SWT1: variants seen among roughly 807,000 people sequenced by gnomAD.
SWT1 encodes transcriptional protein SWT1.
SWT1 carries 33 observed loss-of-function variants against 107.3 expected under a neutral mutation model. That is an observed-to-expected ratio of 0.31 (90% confidence interval 0.23 to 0.41). The LOEUF (loss-of-function observed/expected upper bound fraction) is 0.41. Among genes scored for constraint, SWT1 ranks in the 10% least tolerant of loss-of-function variants. SWT1 has a pLI of 1.00. For synonymous variants in SWT1, 345 were observed against 348.3 expected (o/e 0.99, Z 0.11); for missense variants, 898 against 1,028.9 (o/e 0.87, Z 1.74).
At chr1:185,280,777 A>C (rs571065053) in intron 18 of SWT1, 153 of 275,450 alleles carry the variant, frequency 5.6e-4, no homozygotes, top group African/African-American at 3.2e-3. Flanking sequence ...GAGCTGAGAG[A>C]GTTCTTGCCA....
intron 15 of SWT1, among the ~76,000 whole-genome samples, chr1:185,230,904 G>A (rs946844252): frequency 1.3e-5 from 2 of 151,976 alleles, no homozygotes; most frequent in Non-Finnish European, 2.9e-5. Context: ...GTGCCACCAC[G>A]CCTCTCTAAT....
rs183989130 is a variant in SWT1, at chr1:185,186,418, G to A, written c.1429+1487G>A. Among the ~76,000 whole-genome samples the A allele has an allele frequency of 4.2e-3, 640 of 152,156 alleles. 7 individuals are homozygous for A. Among genetic ancestry groups the A allele is most frequent in the African/African-American group, 0.015 (608 of 41,544 alleles). ...GGATAATAATTGTCTTTCTAGAAATGTATCCAAAAAAAGTGAGAGATGCAG... is the reference window on the plus strand; with the variant it reads ...GGATAATAATTGTCTTTCTAGAAATATATCCAAAAAAAGTGAGAGATGCAG... On this transcript the variant is annotated intron_variant, in intron 9 of 18. Transcript: ENST00000367500.
chr1:185,216,071 T>G (rs1456108538), intron 14 of SWT1, among the ~76,000 whole-genome samples: 2 of 152,176 alleles, frequency 1.3e-5, no homozygotes, highest in African/African-American at 4.8e-5. Flanking sequence ...GATACTAACA[T>G]TAATCATAGT....
At chr1:185,229,485 T>C (rs1485887673) in intron 15 of SWT1, among the ~76,000 whole-genome samples, 1 of 152,032 alleles carries the variant, frequency 6.6e-6, no homozygotes, top group African/African-American at 2.4e-5. Context: ...TTTACCTGAA[T>C]TGTATAAATC....
chr1:185,226,850 C>T, intron 15 of SWT1: 1 of 1,531,442 alleles, frequency 6.5e-7, no homozygotes, highest in Non-Finnish European at 8.8e-7. Flanking sequence ...AGCTTGCCTT[C>T]TTTTGAGCTA....
At chr1:185,178,623 T>C (rs1294802584) in intron 5 of SWT1, among the ~76,000 whole-genome samples, 1 of 152,140 alleles carries the variant, frequency 6.6e-6, no homozygotes, top group Non-Finnish European at 1.5e-5. Context: ...TTGTAGTCAC[T>C]GTAGGTGGCC....
At chr1:185,228,574 A>G (rs1660267951) in intron 15 of SWT1, among the ~76,000 whole-genome samples, 1 of 152,212 alleles carries the variant, frequency 6.6e-6, no homozygotes. Flanking sequence ...CCATGGATCC[A>G]ATAGTTAATA....
rs555715778 is a variant in SWT1 at position 185,222,634 on chromosome 1, G to A, written c.2309+598G>A. On this transcript the variant is annotated intron_variant, in intron 15 of 18. Transcript: ENST00000367500. ...ACAAAAATAAGCCGGGCGTGATGGC[G>A]TGTACCTGTCATCCCAGCTGCTCAG... is the stretch of plus-strand genomic sequence containing the variant. 4.4e-4 allele frequency among the ~76,000 whole-genome samples: 67 copies of A among 151,782 alleles called. No individual in the cohort carries two copies. In the South Asian group the frequency reaches 0.013, roughly 30 times the overall value.
chr1:185,268,938 C>T (rs1364933183), intron 16 of SWT1, among the ~76,000 whole-genome samples: 1 of 151,080 alleles, frequency 6.6e-6, no homozygotes, highest in Non-Finnish European at 1.5e-5. Flanking sequence ...CTGCAAGCTC[C>T]GCCTCCCGGG....
chr1:185,199,590 G>T (rs1657693940), intron 10 of SWT1, among the ~76,000 whole-genome samples: 2 of 152,204 alleles, frequency 1.3e-5, no homozygotes, highest in Admixed American at 6.5e-5. Context: ...CTTCTGGCTT[G>T]TAGGGTTTCT....
At chr1:185,190,261 C>G (rs1414603651) in intron 9 of SWT1, among the ~76,000 whole-genome samples, 1 of 152,192 alleles carries the variant, frequency 6.6e-6, no homozygotes, top group East Asian at 1.9e-4. Context: ...CATAGCTTCC[C>G]CATTATCAGT....
At chr1:185,161,536 T>C (rs994943526) in intron 2 of SWT1, among the ~76,000 whole-genome samples, 1 of 151,486 alleles carries the variant, frequency 6.6e-6, no homozygotes, top group African/African-American at 2.4e-5. Flanking sequence ...AGACCCTGTC[T>C]CTACAAAAAA....
intron 12 of SWT1, among the ~76,000 whole-genome samples, chr1:185,205,560 G>A (rs1658268702): frequency 6.6e-6 from 1 of 152,002 alleles, no homozygotes; most frequent in Admixed American, 6.6e-5. Context: ...TTAGAGACGA[G>A]GTTTCACCAT....
chr1:185,258,844 C>T (rs576058241), intron 16 of SWT1, among the ~76,000 whole-genome samples: 1 of 152,136 alleles, frequency 6.6e-6, no homozygotes, highest in South Asian at 2.1e-4. Flanking sequence ...AGTCTGAAGA[C>T]ATATCTTCAG....
At chr1:185,265,079 T>A in intron 16 of SWT1, among the ~76,000 whole-genome samples, 1 of 152,198 alleles carries the variant, frequency 6.6e-6, no homozygotes, top group East Asian at 1.9e-4. Flanking sequence ...GTATTCTGAA[T>A]AGATCAAATT....
At chr1:185,161,034 C>A in intron 2 of SWT1, 109 bp downstream of exon 2, 1 of 806,250 alleles carries the variant, frequency 1.2e-6, no homozygotes, top group Non-Finnish European at 1.9e-6. Flanking sequence ...TTGTTCTGCT[C>A]AGCCGATCCA....
chr1:185,259,793 C>A (rs981741082), intron 16 of SWT1, among the ~76,000 whole-genome samples: 12 of 152,094 alleles, frequency 7.9e-5, no homozygotes, highest in Non-Finnish European at 1.3e-4. Context: ...TACTTCTTGT[C>A]AATTATGTCA....
chr1:185,225,941 A>T (rs1660020117), intron 15 of SWT1, among the ~76,000 whole-genome samples: 1 of 152,220 alleles, frequency 6.6e-6, no homozygotes, highest in Non-Finnish European at 1.5e-5. Flanking sequence ...TGCTAAAGAA[A>T]TAACAATAAA....
intron 15 of SWT1, among the ~76,000 whole-genome samples, chr1:185,231,095 T>G (rs952254500): frequency 1.3e-5 from 2 of 152,204 alleles, no homozygotes; most frequent in African/African-American, 4.8e-5. Context: ...GACTTAACAC[T>G]GCTTATATTG....
Sources: allele counts gnomAD v4.1 joint callset (sites outside exome capture counted in the v4.1 genomes callset), GRCh38; gene constraint gnomAD v4.1.1; transcripts MANE v1.5; gene names NCBI Gene and HGNC (gene_info 2026-07-23, HGNC 2026-07-21).